NUDCD3: variants seen among roughly 807,000 people sequenced by gnomAD.
NUDCD3 encodes the protein nudC domain-containing protein 3.
In NUDCD3, 13 loss-of-function variants were observed where a neutral mutation model predicts 39.7. The observed-to-expected ratio is 0.33, with a 90% CI of 0.21 to 0.52. The LOEUF (loss-of-function observed/expected upper bound fraction) is 0.52. Among genes scored for constraint, NUDCD3 ranks in the 20% least tolerant of loss-of-function variants. The pLI is 0.96. For missense variants in NUDCD3, 453 were observed against 458.1 expected (o/e 0.99, Z 0.10); for synonymous variants, 175 against 172.4 (o/e 1.02, Z -0.12).
intron 2 of NUDCD3, among the ~76,000 whole-genome samples, chr7:44,478,433 C>T (rs1372571362): frequency 6.6e-6 from 1 of 152,102 alleles, no homozygotes; most frequent in Non-Finnish European, 1.5e-5. Context: ...GGCACCTGCA[C>T]TCCCAGCTAC....
At chr7:44,451,987 C>T (rs889972526) in intron 2 of NUDCD3, among the ~76,000 whole-genome samples, 2 of 152,170 alleles carry the variant, frequency 1.3e-5, no homozygotes, top group Non-Finnish European at 2.9e-5. Context: ...GAAAAAAAAG[C>T]ACAGTCAAGA....
intron 2 of NUDCD3, among the ~76,000 whole-genome samples, chr7:44,446,671 A>G (rs947832494): frequency 2.0e-5 from 3 of 152,196 alleles, no homozygotes; most frequent in African/African-American, 7.2e-5. Flanking sequence ...TACATCTGAC[A>G]TTTGGGTAGG....
At chr7:44,424,125 C>T (rs189714661) in intron 3 of NUDCD3, among the ~76,000 whole-genome samples, 1 of 152,236 alleles carries the variant, frequency 6.6e-6, no homozygotes, top group Admixed American at 6.5e-5. Flanking sequence ...CTTCCTTACA[C>T]CTGATACAAA....
chr7:44,409,911 A>G (rs1798891545), intron 3 of NUDCD3, among the ~76,000 whole-genome samples: 1 of 152,134 alleles, frequency 6.6e-6, no homozygotes, highest in African/African-American at 2.4e-5. Flanking sequence ...GCGTTCATGA[A>G]AGGGGCTCAA....
chr7:44,468,402 G>A (rs953724218), intron 2 of NUDCD3: 2 of 959,660 alleles, frequency 2.1e-6, no homozygotes, highest in African/African-American at 3.5e-5. Context: ...GGAGACGAAA[G>A]AATTTGTTTG....
chr7:44,448,050 CCCA>C (rs1420065704), intron 2 of NUDCD3, among the ~76,000 whole-genome samples: 11 of 152,196 alleles, frequency 7.2e-5, no homozygotes, highest in Non-Finnish European at 1.5e-4. Context: ...GCCGCCTGCA[CCCA>C]CCACACTTGG....
At chr7:44,403,159 T>C (rs1022935448) in intron 4 of NUDCD3, among the ~76,000 whole-genome samples, 4 of 152,158 alleles carry the variant, frequency 2.6e-5, no homozygotes, top group Non-Finnish European at 5.9e-5. Flanking sequence ...CTGAATGCCA[T>C]GGGCAGGGGA....
In NUDCD3 at chr7:44,448,163, G is replaced by A. The variant is rs1415891454; in HGVS notation, c.510-20460C>T. Among the ~76,000 whole-genome samples, 8 of 151,970 alleles carry A rather than the reference G, an allele frequency of 5.3e-5. No homozygotes were observed. In the East Asian group the frequency reaches 1.4e-3, roughly 26 times the overall value. On this transcript the variant is annotated intron_variant, in intron 2 of 5. Coordinates refer to ENST00000355451, the MANE Select transcript of NUDCD3 (RefSeq NM_015332.4). ...GTGCCTTCAGCCTCCACTCTCCTTG[G>A]CCTTAATAGGCTTCTCTCATTTCCT...
At chr7:44,386,182 A>G in intron 5 of NUDCD3, 61 bp from the exon 6 acceptor site, 1 of 1,571,826 alleles carries the variant, frequency 6.4e-7, no homozygotes, top group Non-Finnish European at 8.7e-7. Flanking sequence ...TTTCTCCCAG[A>G]GCAGACTCTG....
intron 3 of NUDCD3, among the ~76,000 whole-genome samples, chr7:44,408,947 G>A (rs971340133): frequency 3.9e-5 from 6 of 152,210 alleles, no homozygotes; most frequent in African/African-American, 1.4e-4. Context: ...CTGACTGACT[G>A]TTTCTGGCTA....
At chr7:44,475,291 T>TA (rs754305592) in intron 2 of NUDCD3, among the ~76,000 whole-genome samples, 10 of 152,040 alleles carry the variant, frequency 6.6e-5, no homozygotes, top group Non-Finnish European at 1.2e-4. Context: ...TTTGTATTTT[T>TA]AGTAGAGACA....
intron 2 of NUDCD3, 103 bp from the exon 3 acceptor site, chr7:44,427,806 A>C (rs570014225): frequency 1.6e-5 from 20 of 1,239,986 alleles, no homozygotes; most frequent in African/African-American, 3.0e-5. Context: ...GACGTGACCA[A>C]CTCAAGTTTC....
In NUDCD3 at chr7:44,381,292, G is replaced by A. The variant is rs1051932009; in HGVS notation, c.*4719C>T. 1.3e-5 allele frequency: 2 copies of A among 152,334 alleles called. No homozygotes were observed. The highest frequency in any genetic ancestry group is 2.9e-5 in the Non-Finnish European group (2 of 68,136). 9.4% of individuals were successfully genotyped at this position (152,334 alleles called of 1,614,324 possible). ...AGTATCTGCCACTCACCTTGGTCAT[G>A]ATGCCACAGAGAGTGTGGCATGGCC... On this transcript the variant is annotated 3_prime_UTR_variant, in exon 6 of 6. Coordinates refer to ENST00000355451, the MANE Select transcript of NUDCD3 (RefSeq NM_015332.4).
chr7:44,426,241 C>T, intron 3 of NUDCD3: 2 of 795,544 alleles, frequency 2.5e-6, no homozygotes, highest in Non-Finnish European at 3.0e-6. Context: ...CAAAGGCCCA[C>T]AGCCTGACAC....
intron 2 of NUDCD3, among the ~76,000 whole-genome samples, chr7:44,463,650 G>C (rs1800060467): frequency 6.6e-6 from 1 of 151,930 alleles, no homozygotes; most frequent in Non-Finnish European, 1.5e-5. Flanking sequence ...ACACTCATAA[G>C]AATCAACCAG....
chr7:44,416,976 C>A (rs1035045365), intron 3 of NUDCD3, among the ~76,000 whole-genome samples: 16 of 152,196 alleles, frequency 1.1e-4, no homozygotes, highest in African/African-American at 3.6e-4. Context: ...GGGCACCACA[C>A]GAGTGCTGGT....
intron 2 of NUDCD3, among the ~76,000 whole-genome samples, chr7:44,432,615 G>A (rs1799386715): frequency 6.6e-6 from 1 of 152,206 alleles, no homozygotes. Context: ...CAGTGATTGA[G>A]GCCCGGTTTG....
chr7:44,447,117 G>A (rs1352605620), intron 2 of NUDCD3, among the ~76,000 whole-genome samples: 2 of 152,192 alleles, frequency 1.3e-5, no homozygotes, highest in East Asian at 1.9e-4. Context: ...CATTCCCTAG[G>A]GGCAGGCCTG....
In NUDCD3 at chr7:44,430,554, C is replaced by CCACACACA. The variant is rs748912083; in HGVS notation, c.510-2859_510-2852dup. On this transcript the variant is annotated intron_variant, in intron 2 of 5. Coordinates refer to ENST00000355451, the MANE Select transcript of NUDCD3 (RefSeq NM_015332.4). ...TTGTGAAAATATATAAATAAAATAC[C>CCACACACA]CACACACACACACACTCACACACAC... Among the ~76,000 whole-genome samples the CCACACACA allele has an allele frequency of 8.3e-3, 1,171 of 140,826 alleles. 13 individuals are homozygous for CCACACACA. The highest frequency in any genetic ancestry group is 0.014 in the Middle Eastern group (4 of 284). 92.4% of individuals were successfully genotyped at this position (140,826 alleles called of 152,430 possible).
Sources: gnomAD v4.1 joint callset for allele counts (sites outside exome capture counted in the v4.1 genomes callset) on GRCh38, gnomAD v4.1.1 for gene constraint, MANE v1.5 for transcripts, NCBI Gene and HGNC (gene_info 2026-07-23, HGNC 2026-07-21) for gene names.